HDAC11: variants seen among roughly 807,000 people sequenced by gnomAD.
HDAC11 encodes histone deacetylase 11.
A neutral mutation model predicts 41.1 loss-of-function variants in HDAC11; 23 were observed. The ratio of observed to expected loss-of-function variants is 0.56; its 90% confidence interval spans 0.40 to 0.79. The LOEUF (loss-of-function observed/expected upper bound fraction) is 0.79. Among genes scored for constraint, HDAC11 ranks in the 30% least tolerant of loss-of-function variants. The probability of loss-of-function intolerance (pLI) is 0.00; values close to 1 mark genes in which losing one functional copy is unlikely to be tolerated. For synonymous variants in HDAC11, 187 were observed against 186.6 expected (o/e 1.00, Z -0.02); for missense variants, 402 against 477.3 (o/e 0.84, Z 1.47).
rs1001990099 is a variant in HDAC11 at position 13,502,384 on chromosome 3, G to A, written c.552+451G>A. ...GCCTAGGGAGTAAAGTGTCAAAGCA[G>A]AGGGTTACCTCCTCCTCAGGACCCC... On this transcript the variant is annotated intron_variant, in intron 7 of 9. Transcript: ENST00000295757. This position sits in a 1 kb window ranked among gnomAD's most constrained non-coding sequence, Gnocchi z 4.1. The A allele has an allele frequency of 5.3e-6, 1 of 189,224 alleles. No individual in the cohort carries two copies. The highest frequency in any genetic ancestry group is 1.1e-5 in the Non-Finnish European group (1 of 91,352). 11.7% of individuals were successfully genotyped at this position (189,224 alleles called of 1,614,324 possible). A position where few individuals can be genotyped will look rare whatever the true frequency, so the allele number is the denominator to read the frequency against.
intron 1 of HDAC11, 167 bp from the exon 2 acceptor site, chr3:13,481,079 G>C (rs1351882629): frequency 1.4e-6 from 1 of 695,072 alleles, no homozygotes. Flanking sequence ...ATTGGGTTCC[G>C]GGAAAGGCAG....
At position 13,501,883 on chromosome 3, in the gene HDAC11, C is replaced by T. The variant is rs747694424; in HGVS notation, c.502C>T (p.Arg168Cys). 3.3e-5 allele frequency: 54 copies of T among 1,613,806 alleles called. No homozygotes were observed. Among genetic ancestry groups the T allele is most frequent in the East Asian group, 6.7e-5 (3 of 44,888 alleles). The change falls in exon 7 of 10, where the codon CGT becomes TGT. Residue 168 changes from arginine to cysteine, a missense_variant. By Grantham distance (180) the Arg-to-Cys change is radical (BLOSUM62 -3). Transcript: ENST00000295757. ...TCCTCCCTGGCAGTTTCTGTTTGAG[C>T]GTGTGGAGGGCATCTCCAGGGCTAC... ...ITLAIKFLFE[R>C]VEGISRATII... is the part of the protein sequence containing the mutation.
intron 3 of HDAC11, among the ~76,000 whole-genome samples, chr3:13,487,527 C>G (rs971158104): frequency 2.6e-5 from 4 of 152,112 alleles, no homozygotes; most frequent in Admixed American, 2.6e-4. Context: ...CAAGCTCCTG[C>G]TGTGTGCAAG....
intron 8 of HDAC11, chr3:13,503,268 A>C (rs1702457446): frequency 3.7e-6 from 1 of 270,570 alleles, no homozygotes; most frequent in Non-Finnish European, 7.1e-6. Flanking sequence ...ACGAAATAAG[A>C]AATAAATTCA....
intron 3 of HDAC11, chr3:13,496,460 G>T: frequency 3.1e-6 from 1 of 323,378 alleles, no homozygotes; most frequent in Non-Finnish European, 5.7e-6. Context: ...GGGCACAAGA[G>T]GGCAGCCAAG....
intron 3 of HDAC11, among the ~76,000 whole-genome samples, chr3:13,485,223 G>C (rs969129759): frequency 1.3e-5 from 2 of 152,268 alleles, no homozygotes; most frequent in African/African-American, 4.8e-5. Context: ...GAGAATTCTA[G>C]ATAGGGCCAC....
chr3:13,501,392 G>A (rs1377453496), intron 6 of HDAC11, among the ~76,000 whole-genome samples: 2 of 152,190 alleles, frequency 1.3e-5, no homozygotes, highest in East Asian at 3.9e-4. Context: ...GACTGATGGG[G>A]GGAAGCAGGC....
chr3:13,504,002 C>T, intron 8 of HDAC11, 92 bp from the exon 9 acceptor site: 2 of 1,207,984 alleles, frequency 1.7e-6, no homozygotes, highest in Non-Finnish European at 2.4e-6. Flanking sequence ...ATCTGACAGA[C>T]CAGTTTCCAG....
At chr3:13,501,675 T>A (rs1702371239) in intron 6 of HDAC11, 196 bp from the exon 7 acceptor site, 1 of 715,320 alleles carries the variant, frequency 1.4e-6, no homozygotes, top group Non-Finnish European at 2.6e-6. Context: ...CCTGACCACC[T>A]CCTGCATGCA....
rs560900802 is a variant in HDAC11, at chr3:13,486,739, G to A, written c.252+3175G>A. On this transcript the variant is annotated intron_variant, in intron 3 of 9. Coordinates refer to ENST00000295757, the MANE Select transcript of HDAC11 (RefSeq NM_024827.4). ...ATTACAGGCACCTGCCACCATGCCC[G>A]GCTAATTTTTGTATTTTTAGTAGAG... Among the ~76,000 whole-genome samples, 33 of 151,982 alleles carry A rather than the reference G, an allele frequency of 2.2e-4. No homozygotes were observed. The East Asian group carries it at 4.1e-3, about 19-fold the overall frequency.
At chr3:13,501,572 A>C in intron 6 of HDAC11, 8 of 621,730 alleles carry the variant, frequency 1.3e-5, no homozygotes, top group East Asian at 7.0e-5. Flanking sequence ...TTCCTAGGGA[A>C]TCTGGGAAAA....
rs1702547282 is a variant in HDAC11, at chr3:13,504,828, C to T, written c.*145C>T. ...TGGCTGGGGCCTGGAGCTGGCCCTT[C>T]CTCTACTTTTCCCTGCTGGAAGCCA... On this transcript the variant is annotated 3_prime_UTR_variant, in exon 10 of 10. Coordinates refer to ENST00000295757, the MANE Select transcript of HDAC11 (RefSeq NM_024827.4). 6 of 732,180 alleles carry T rather than the reference C, an allele frequency of 8.2e-6. No homozygotes were observed. Among genetic ancestry groups the T allele is most frequent in the Non-Finnish European group, 1.1e-5 (5 of 440,624 alleles). 45.4% of individuals were successfully genotyped at this position (732,180 alleles called of 1,614,324 possible). A position where few individuals can be genotyped will look rare whatever the true frequency, so the allele number is the denominator to read the frequency against.
chr3:13,489,436 A>T (rs1408478282), intron 3 of HDAC11, among the ~76,000 whole-genome samples: 1 of 152,220 alleles, frequency 6.6e-6, no homozygotes, highest in Non-Finnish European at 1.5e-5. Flanking sequence ...TTGTACTCAG[A>T]TATCCAGTTA....
chr3:13,503,250 T>G, intron 8 of HDAC11: 1 of 298,724 alleles, frequency 3.3e-6, no homozygotes, highest in South Asian at 5.1e-5. Flanking sequence ...TAGGATAAAT[T>G]TGAAAATACG....
intron 2 of HDAC11, among the ~76,000 whole-genome samples, chr3:13,482,259 G>A (rs1701357297): frequency 6.6e-6 from 1 of 152,194 alleles, no homozygotes; most frequent in African/African-American, 2.4e-5. Flanking sequence ...ACTTAAACTT[G>A]TTTTAAAAGG....
At chr3:13,497,794 C>T (rs1215225956) in intron 4 of HDAC11, among the ~76,000 whole-genome samples, 1 of 151,976 alleles carries the variant, frequency 6.6e-6, no homozygotes, top group Non-Finnish European at 1.5e-5. Context: ...TACTGCCCAT[C>T]CCCAAAACTA....
chr3:13,495,522 C>T (rs964702354), intron 3 of HDAC11, among the ~76,000 whole-genome samples: 1 of 152,158 alleles, frequency 6.6e-6, no homozygotes, highest in Non-Finnish European at 1.5e-5. Context: ...CTCCTCTTAC[C>T]ACCCCAGACC....
intron 3 of HDAC11, among the ~76,000 whole-genome samples, chr3:13,489,384 T>C (rs531458881): frequency 6.6e-6 from 1 of 152,318 alleles, no homozygotes; most frequent in East Asian, 1.9e-4. Flanking sequence ...AAATTTTGAG[T>C]TAATTTTTGT....
intron 8 of HDAC11, among the ~76,000 whole-genome samples, chr3:13,503,731 A>G (rs746603522): frequency 1.3e-5 from 2 of 152,206 alleles, no homozygotes; most frequent in Non-Finnish European, 2.9e-5. Context: ...ATAAGTCAGC[A>G]GCTAGTATGG....
Sources: allele counts gnomAD v4.1 joint callset (sites outside exome capture counted in the v4.1 genomes callset), GRCh38; gene constraint gnomAD v4.1.1; non-coding constraint Gnocchi (gnomAD v3.1); transcripts MANE v1.5; gene names NCBI Gene and HGNC (gene_info 2026-07-23, HGNC 2026-07-21).